Variants in PSMD9 observed in about 807,000 individuals in gnomAD.
The protein encoded by PSMD9 is 26S proteasome non-ATPase regulatory subunit 9.
PSMD9 carries 26 observed loss-of-function variants against 25.9 expected under a neutral mutation model. That is an observed-to-expected ratio of 1.00 (90% CI 0.73 to 1.39). The LOEUF is 1.39. PSMD9 is among the 40% of genes most tolerant of loss of function. PSMD9 has a pLI of 0.00. For missense variants in PSMD9, 303 were observed against 299.3 expected (o/e 1.01, Z -0.09); for synonymous variants, 110 against 114.5 (o/e 0.96, Z 0.25).
chr12:121,901,738 C>G (rs555690490), intron 3 of PSMD9, among the ~76,000 whole-genome samples: 1 of 135,954 alleles, frequency 7.4e-6, no homozygotes, highest in Admixed American at 8.2e-5. Context: ...TGCAGTGGCA[C>G]GATCTCGGCT....
intron 5 of PSMD9, 116 bp downstream of exon 5, chr12:121,916,060 C>A: frequency 8.0e-7 from 1 of 1,244,320 alleles, no homozygotes; most frequent in Non-Finnish European, 1.2e-6. Flanking sequence ...CCCCAGTTTG[C>A]ATGGAAACTG....
intron 1 of PSMD9, 33 bp downstream of exon 1, chr12:121,889,027 T>C (rs1184279770): frequency 6.4e-7 from 1 of 1,562,070 alleles, no homozygotes; most frequent in Non-Finnish European, 8.7e-7. Flanking sequence ...CCAAGTCGCC[T>C]AACCCGGCCC....
rs1330955817 is a variant in PSMD9 at position 121,917,867 on chromosome 12, CCTTT to C, written c.*1561_*1564del. 1 of 152,180 alleles carries C rather than the reference CCTTT, an allele frequency of 6.6e-6. No individual in the cohort carries two copies. Among genetic ancestry groups the C allele is most frequent in the Admixed American group, 6.5e-5 (1 of 15,268 alleles). 9.4% of individuals were successfully genotyped at this position (152,180 alleles called of 1,614,324 possible). On this transcript the variant is annotated 3_prime_UTR_variant, in exon 6 of 6. Coordinates refer to ENST00000541212, the MANE Select transcript of PSMD9 (RefSeq NM_002813.7). ...AATAAACACAGCTTGCCCAGTTTAT[CCTTT>C]CTTTTTTATTTTAAGATGTATGCAT...
At position 121,915,765 on chromosome 12, in the gene PSMD9, T is replaced by C. The variant is rs1879877946; in HGVS notation, c.556-91T>C. On this transcript the variant is annotated intron_variant, in intron 4 of 5. Coordinates refer to ENST00000541212, the MANE Select transcript of PSMD9 (RefSeq NM_002813.7). ...GCTGCAAATGTAAATCTTTACCAAT[T>C]TGATAGGCAAAAAATGGGATCTCAG... 2.7e-6 allele frequency: 3 copies of C among 1,123,130 alleles called. 1 individual carries two copies. Among genetic ancestry groups the C allele is most frequent in the South Asian group, 2.9e-5 (2 of 67,998 alleles). The allele number at this position is 1,123,130 out of a possible 1,614,324, so 69.6% of individuals were successfully genotyped here.
At chr12:121,913,285 T>C (rs901826972) in intron 4 of PSMD9, among the ~76,000 whole-genome samples, 6 of 151,864 alleles carry the variant, frequency 4.0e-5, no homozygotes, top group Non-Finnish European at 7.4e-5. Context: ...TTCACCGTGT[T>C]AGCCAGGATG....
intron 4 of PSMD9, among the ~76,000 whole-genome samples, chr12:121,906,682 T>C (rs150211452): frequency 0.25 from 37,523 of 150,680 alleles, 5,859 homozygotes; most frequent in East Asian, 0.51. Flanking sequence ...GGTGTGGTGG[T>C]GTGTGCCTGT....
At chr12:121,891,298 TAAAAAA>T (rs1209397158) in intron 1 of PSMD9, among the ~76,000 whole-genome samples, 2 of 91,688 alleles carry the variant, frequency 2.2e-5, no homozygotes, top group Admixed American at 1.3e-4. Flanking sequence ...GCTGTCTCTT[TAAAAAA>T]AAAAAAAAAA....
intron 2 of PSMD9, among the ~76,000 whole-genome samples, chr12:121,895,959 T>C (rs1348154986): frequency 6.6e-6 from 1 of 152,166 alleles, no homozygotes; most frequent in East Asian, 1.9e-4. Flanking sequence ...ACTTACTAAC[T>C]CCTCTTTAAT....
chr12:121,900,875 C>T (rs1346342901), intron 3 of PSMD9, among the ~76,000 whole-genome samples: 1 of 151,314 alleles, frequency 6.6e-6, no homozygotes, highest in African/African-American at 2.4e-5. Context: ...ATCCCAGCTA[C>T]TCGGGAGGCT....
intron 3 of PSMD9, chr12:121,902,243 C>T (rs1355106991): frequency 1.3e-5 from 2 of 152,072 alleles, no homozygotes; most frequent in African/African-American, 4.8e-5. Flanking sequence ...TATGTCAGGA[C>T]ACATAGTTCC....
chr12:121,901,141 C>T (rs955824546), intron 3 of PSMD9, among the ~76,000 whole-genome samples: 6 of 151,896 alleles, frequency 4.0e-5, no homozygotes, highest in African/African-American at 1.5e-4. Context: ...AATTTCAGAA[C>T]ATTGTCATTG....
At chr12:121,901,021 C>T (rs903010473) in intron 3 of PSMD9, among the ~76,000 whole-genome samples, 3 of 149,894 alleles carry the variant, frequency 2.0e-5, no homozygotes, top group Admixed American at 1.3e-4. Context: ...GATGGGGTTT[C>T]GCTCTGTTGC....
At chr12:121,890,923 C>T (rs1412315398) in intron 1 of PSMD9, among the ~76,000 whole-genome samples, 1 of 151,864 alleles carries the variant, frequency 6.6e-6, no homozygotes, top group African/African-American at 2.4e-5. Flanking sequence ...AAGCTTTCAG[C>T]CTGAAACCGT....
At chr12:121,908,665 A>G (rs1011335076) in intron 4 of PSMD9, among the ~76,000 whole-genome samples, 1 of 152,118 alleles carries the variant, frequency 6.6e-6, no homozygotes, top group African/African-American at 2.4e-5. Context: ...ATAATGATAC[A>G]CACTGATAAG....
Position 121,888,804 on chromosome 12 carries a change from C to T in PSMD9, c.-53C>T. On this transcript the variant is annotated 5_prime_UTR_variant, in exon 1 of 6. Coordinates refer to ENST00000541212, the MANE Select transcript of PSMD9 (RefSeq NM_002813.7). The stretch of plus-strand genomic sequence containing the variant: ...GAGCCGTAGTTACGGTCGACTGGGG[C>T]GTCGTCCCTAGCCCGGGAGCCGGGT... 1.3e-6 allele frequency: 2 copies of T among 1,563,712 alleles called. No homozygotes were observed. Among genetic ancestry groups the T allele is most frequent in the Non-Finnish European group, 1.7e-6 (2 of 1,155,046 alleles).
Position 121,899,863 on chromosome 12 carries a change from C to T in PSMD9, c.453+18C>T. The T allele has an allele frequency of 1.2e-6, 2 of 1,613,710 alleles. No individual in the cohort carries two copies. Among genetic ancestry groups the T allele is most frequent in the Non-Finnish European group, 1.7e-6 (2 of 1,179,750 alleles). On this transcript the variant is annotated intron_variant, in intron 3 of 5. Coordinates refer to ENST00000541212, the MANE Select transcript of PSMD9 (RefSeq NM_002813.7). ...GCATCGCGGTAATCCAGGGGTTGGC[C>T]ACTCAAGTCCATGCCCAGGGGACAC...
In PSMD9 at chr12:121,915,845, T is replaced by C; in HGVS notation, c.556-11T>C. The stretch of plus-strand genomic sequence containing the variant: ...GAGGCTGAACACGAAATGAGCTTAT[T>C]TTCTTTTCAGAAGCCCCTGAATGTG... On this transcript the variant is annotated splice_polypyrimidine_tract_variant and intron_variant, in intron 4 of 5. Transcript: ENST00000541212. 1 of 1,609,432 alleles carries C rather than the reference T, an allele frequency of 6.2e-7. No homozygotes were observed. The highest frequency in any genetic ancestry group is 1.7e-5 in the Admixed American group (1 of 59,256).
chr12:121,889,408 G>C (rs1436996424), intron 1 of PSMD9, among the ~76,000 whole-genome samples: 1 of 152,160 alleles, frequency 6.6e-6, no homozygotes, highest in Non-Finnish European at 1.5e-5. Flanking sequence ...TGTAAAGACA[G>C]AGTCTCACTG....
At chr12:121,893,691 GTGTC>G (rs1177612232) in intron 1 of PSMD9, 1 of 152,284 alleles carries the variant, frequency 6.6e-6, no homozygotes, top group Non-Finnish European at 1.5e-5. Flanking sequence ...CCTTCCTCCT[GTGTC>G]TGTCCCACAC....
Sources: gnomAD v4.1 joint callset for allele counts (sites outside exome capture counted in the v4.1 genomes callset) on GRCh38, gnomAD v4.1.1 for gene constraint, MANE v1.5 for transcripts, NCBI Gene and HGNC (gene_info 2026-07-23, HGNC 2026-07-21) for gene names.